The following NOL9 variants were observed in gnomAD, a reference collection of about 807,000 sequenced individuals.
The protein encoded by NOL9 is polynucleotide 5'-hydroxyl-kinase NOL9.
Under a neutral mutation model 67.9 loss-of-function variants are expected in NOL9, and 28 were observed. The ratio of observed to expected loss-of-function variants is 0.41; its 90% CI spans 0.31 to 0.57. NOL9 has a LOEUF of 0.57. Among genes scored for constraint, NOL9 ranks in the 20% least tolerant of loss-of-function variants. The pLI is 0.25. For missense variants in NOL9, 777 were observed against 897.0 expected (o/e 0.87, Z 1.71); for synonymous variants, 356 against 352.2 (o/e 1.01, Z -0.12).
At chr1:6,553,130 A>C (rs6577582) in intron 1 of NOL9, among the ~76,000 whole-genome samples, 148,498 of 152,296 alleles carry the variant, frequency 0.98, 72,509 homozygotes, top group Non-Finnish European at 1. Flanking sequence ...ATATTTTTAA[A>C]CTAAGATCAT....
Position 6,549,665 on chromosome 1 carries a change from G to T in NOL9, c.650C>A (p.Pro217His). The T allele has an allele frequency of 6.2e-7, 1 of 1,614,118 alleles. No individual in the cohort carries two copies. Among genetic ancestry groups the T allele is most frequent in the Non-Finnish European group, 8.5e-7 (1 of 1,180,008 alleles). Residue 217 changes from proline (P) to histidine (H), a missense_variant, in exon 3 of 12, where the codon CCT (proline) becomes CAT (histidine). This residue lies in a region of NOL9 where 364 missense variants were observed against 344.4 expected (regional missense o/e 1.06). Coordinates refer to ENST00000377705, the MANE Select transcript of NOL9 (RefSeq NM_024654.5). ...DRRWSMQNFS[P>H]QCSIVLLEHL... The stretch of plus-strand genomic sequence containing the variant: ...TTCTAGCAACACAATGGAACACTGA[G>T]GAGAAAAATTCTGCATCGACCAACG...
At chr1:6,541,417 G>T (rs1349506749) in intron 6 of NOL9, among the ~76,000 whole-genome samples, 1 of 152,134 alleles carries the variant, frequency 6.6e-6, no homozygotes, top group East Asian at 1.9e-4. Flanking sequence ...CCCTACCTCA[G>T]GTGATGCACC....
intron 1 of NOL9, among the ~76,000 whole-genome samples, chr1:6,551,259 C>T (rs1639537801): frequency 6.6e-6 from 1 of 151,728 alleles, no homozygotes; most frequent in Non-Finnish European, 1.5e-5. Context: ...TGCTGTGAAC[C>T]GTAATTACAC....
Position 6,525,739 on chromosome 1 carries a change from T to C in NOL9, c.*115A>G. On this transcript the variant is annotated 3_prime_UTR_variant, in exon 12 of 12. Coordinates refer to ENST00000377705, the MANE Select transcript of NOL9 (RefSeq NM_024654.5). ...CATTCACGAATTACACAAAAAACAC[T>C]GTTGCTAATAAGGGCACCATTCATG... 9.5e-7 allele frequency: 1 copy of C among 1,049,916 alleles called. No homozygotes were observed. The highest frequency in any genetic ancestry group is 1.5e-5 in the South Asian group (1 of 68,212). The allele number at this position is 1,049,916 out of a possible 1,614,324, so 65.0% of individuals were successfully genotyped here.
intron 6 of NOL9, among the ~76,000 whole-genome samples, chr1:6,536,583 T>TGTGGGAGGC (rs1374843264): frequency 6.6e-6 from 1 of 151,878 alleles, no homozygotes; most frequent in Admixed American, 6.6e-5. Context: ...ATCTCAGGAC[T>TGTGGGAGGC]GTGGGAGGCT....
intron 2 of NOL9, among the ~76,000 whole-genome samples, 182 bp downstream of exon 2, chr1:6,550,214 G>C (rs1290322621): frequency 6.6e-6 from 1 of 152,024 alleles, no homozygotes; most frequent in Non-Finnish European, 1.5e-5. Context: ...TGCATTTTTA[G>C]TAGAGACAGG....
intron 5 of NOL9, among the ~76,000 whole-genome samples, chr1:6,543,363 T>C (rs1639343481): frequency 6.6e-6 from 1 of 152,028 alleles, no homozygotes; most frequent in Non-Finnish European, 1.5e-5. Flanking sequence ...GCCCAGCTAA[T>C]GTTTTGTATT....
In NOL9 at chr1:6,525,974, G is replaced by A; in HGVS notation, c.1989C>T (p.Val663=). 2 of 1,613,932 alleles carry A rather than the reference G, an allele frequency of 1.2e-6. No individual in the cohort carries two copies. The highest frequency in any genetic ancestry group is 1.7e-6 in the Non-Finnish European group (2 of 1,179,866). Reference sequence around the variant, plus strand: ...GAAGTTTAAAATTGTAATCCGTTGTGACATAAGGTACTGTCCCTTCGATCC... The same window carrying A: ...GAAGTTTAAAATTGTAATCCGTTGTAACATAAGGTACTGTCCCTTCGATCC... The part of the protein sequence containing the change: ...QRGIEGTVPY[V]TTDYNFKLPG... Residue 663 remains valine (V), a synonymous_variant, in exon 12 of 12, where the codon GTC becomes GTT. Transcript: ENST00000377705.
rs1015333970 is a variant in NOL9, at chr1:6,524,082, T to G, written c.*1772A>C. ...AAAACATCATATGAATGAGCCAGAT[T>G]TCAACATAAATAAGGGGCAACTAAG... On this transcript the variant is annotated 3_prime_UTR_variant, in exon 12 of 12. Transcript: ENST00000377705. The G allele has an allele frequency of 6.6e-6, 1 of 152,174 alleles. No individual in the cohort carries two copies. The highest frequency in any genetic ancestry group is 1.5e-5 in the Non-Finnish European group (1 of 68,038). The allele number at this position is 152,174 out of a possible 1,614,324, so 9.4% of individuals were successfully genotyped here.
At chr1:6,551,645 C>T (rs536182763) in intron 1 of NOL9, among the ~76,000 whole-genome samples, 382 of 151,996 alleles carry the variant, frequency 2.5e-3, no homozygotes, top group Non-Finnish European at 4.2e-3. Flanking sequence ...ATTTAAAAGG[C>T]TGCAGCCATA....
intron 9 of NOL9, 73 bp from the exon 10 acceptor site, chr1:6,529,244 A>T (rs886422272): frequency 7.3e-7 from 1 of 1,364,756 alleles, no homozygotes; most frequent in Non-Finnish European, 1.0e-6. Flanking sequence ...CAACTAGATT[A>T]ACCAGCTATC....
In NOL9 at chr1:6,544,906, G is replaced by A; in HGVS notation, c.897C>T (p.Cys299=). The change falls in exon 5 of 12, where the codon TGC becomes TGT. Residue 299 remains cysteine (C), a synonymous_variant. Transcript: ENST00000377705. ...VNVSCEEVDG[C]PVILVCGSQD... ...GGGATCCACAAACTAGAATGACAGGGCAGCCATCTACTTCTTCTGAATGGG... is the reference window on the plus strand; with the variant it reads ...GGGATCCACAAACTAGAATGACAGGACAGCCATCTACTTCTTCTGAATGGG... 1.2e-6 allele frequency: 2 copies of A among 1,614,168 alleles called. No individual in the cohort carries two copies. The highest frequency in any genetic ancestry group is 1.7e-6 in the Non-Finnish European group (2 of 1,180,034).
In NOL9 at chr1:6,526,682, G is replaced by C; in HGVS notation, c.1959+14C>G. 6.2e-7 allele frequency: 1 copy of C among 1,603,844 alleles called. No homozygotes were observed. Among genetic ancestry groups the C allele is most frequent in the Non-Finnish European group, 8.5e-7 (1 of 1,174,666 alleles). On this transcript the variant is annotated intron_variant, in intron 11 of 11. Coordinates refer to ENST00000377705, the MANE Select transcript of NOL9 (RefSeq NM_024654.5). ...GTAGGCTCCTTCCAGGGCTGTGCCC[G>C]GGGGAAGGCTCACCTGGCACTTAAG...
intron 2 of NOL9, 42 bp downstream of exon 2, chr1:6,550,354 T>TTACA (rs1162921038): frequency 6.4e-7 from 1 of 1,554,100 alleles, no homozygotes; most frequent in East Asian, 2.2e-5. Context: ...ATTAGCCTTA[T>TTACA]TACAGTAGGC....
chr1:6,537,991 CAAAAAAAAAAAAAAA>C (rs35793215), intron 6 of NOL9, among the ~76,000 whole-genome samples: 3 of 52,506 alleles, frequency 5.7e-5, no homozygotes, highest in African/African-American at 1.6e-4. Flanking sequence ...GACTCCATCT[CAAAAAAAAAAAAAAA>C]AAAAAAAAAG....
intron 6 of NOL9, among the ~76,000 whole-genome samples, chr1:6,534,288 C>T (rs920231805): frequency 1.6e-4 from 24 of 152,318 alleles, no homozygotes; most frequent in African/African-American, 5.8e-4. Flanking sequence ...GTCAGCCAGT[C>T]AGTAAACAGC....
At chr1:6,542,886 A>G (rs2412310) in intron 5 of NOL9, among the ~76,000 whole-genome samples, 149,115 of 152,150 alleles carry the variant, frequency 0.98, 73,160 homozygotes, top group East Asian at 1. Flanking sequence ...GCTAACACTC[A>G]GCCATTTTTC....
chr1:6,544,543 A>ACCCCCCCCC (rs33922236), intron 5 of NOL9, among the ~76,000 whole-genome samples: 3 of 24,536 alleles, frequency 1.2e-4, no homozygotes, highest in African/African-American at 2.9e-4. Flanking sequence ...GCACACACGC[A>ACCCCCCCCC]CCCCCCCCCC....
At chr1:6,528,180 G>A (rs951703213) in intron 10 of NOL9, among the ~76,000 whole-genome samples, 1 of 152,144 alleles carries the variant, frequency 6.6e-6, no homozygotes, top group Non-Finnish European at 1.5e-5. Context: ...GGAAACCAGG[G>A]CAGGTCAAGG....
Sources: gnomAD v4.1 joint callset for allele counts (sites outside exome capture counted in the v4.1 genomes callset) on GRCh38, gnomAD v4.1.1 for gene constraint, gnomAD v4.1.1 regional missense constraint, MANE v1.5 for transcripts, NCBI Gene and HGNC (gene_info 2026-07-23, HGNC 2026-07-21) for gene names.